The following DAB2IP variants were observed in gnomAD, a reference collection of about 807,000 sequenced individuals.
DAB2IP encodes DAB2 interacting protein.
Under a neutral mutation model 107.2 loss-of-function variants are expected in DAB2IP, and 28 were observed. That is an observed-to-expected ratio of 0.26 (90% CI 0.19 to 0.36). The LOEUF is 0.36. DAB2IP is among the 10% of genes least tolerant of loss of function. The pLI, the probability that DAB2IP is intolerant of heterozygous loss-of-function variation, is 1.00. For synonymous variants in DAB2IP, 755 were observed against 706.4 expected (o/e 1.07, Z -1.09); for missense variants, 1,400 against 1,644.7 (o/e 0.85, Z 2.57).
chr9:121,584,282 G>A (rs543197461), intron 1 of DAB2IP, among the ~76,000 whole-genome samples: 51 of 152,200 alleles, frequency 3.4e-4, no homozygotes, highest in African/African-American at 1.2e-3. Context: ...TGTTGGGCTT[G>A]CCTGAAAATT....
upstream of DAB2IP, among the ~76,000 whole-genome samples, chr9:121,650,839 G>T (rs532319446): frequency 6.6e-5 from 10 of 152,290 alleles, no homozygotes; most frequent in South Asian, 1.5e-3. Context: ...AGAGAAGTGA[G>T]AATTAGGGGG....
intron 3 of DAB2IP, among the ~76,000 whole-genome samples, chr9:121,739,589 T>C (rs1420856927): frequency 6.6e-6 from 1 of 151,750 alleles, no homozygotes; most frequent in Non-Finnish European, 1.5e-5. Context: ...TCAGAGGGGG[T>C]AGCAGCAGGA....
chr9:121,689,338 A>T (rs545340888), intron 2 of DAB2IP, among the ~76,000 whole-genome samples: 1 of 151,112 alleles, frequency 6.6e-6, no homozygotes, highest in African/African-American at 2.4e-5. Flanking sequence ...CCCCATACCC[A>T]TGGGCCTTCT....
At chr9:121,582,527 C>T (rs891302266) in intron 1 of DAB2IP, among the ~76,000 whole-genome samples, 1 of 152,064 alleles carries the variant, frequency 6.6e-6, no homozygotes, top group Non-Finnish European at 1.5e-5. Context: ...TCCCCTGCTG[C>T]AGACCTCCAC....
intron 1 of DAB2IP, among the ~76,000 whole-genome samples, chr9:121,631,316 C>A (rs2119016498): frequency 1.3e-5 from 2 of 152,232 alleles, no homozygotes; most frequent in South Asian, 4.1e-4. Flanking sequence ...GGGAAGGCTT[C>A]ATGGAGGAGG....
At chr9:121,717,261 A>G (rs1451495977) in intron 3 of DAB2IP, among the ~76,000 whole-genome samples, 1 of 152,158 alleles carries the variant, frequency 6.6e-6, no homozygotes, top group Non-Finnish European at 1.5e-5. Flanking sequence ...GTGGCTTCCT[A>G]AGAGTTGGCC....
intron 2 of DAB2IP, among the ~76,000 whole-genome samples, chr9:121,688,625 G>A (rs1390825060): frequency 1.3e-5 from 2 of 152,254 alleles, no homozygotes; most frequent in South Asian, 2.1e-4. Context: ...GCTCCCTCAC[G>A]GACTCTGTGA....
At chr9:121,628,538 AGGGT>A (rs1335659281) in intron 1 of DAB2IP, among the ~76,000 whole-genome samples, 4 of 152,222 alleles carry the variant, frequency 2.6e-5, no homozygotes, top group Admixed American at 6.5e-5. Flanking sequence ...GCTTCTGCTA[AGGGT>A]GGGAGGCACT....
At chr9:121,644,622 G>A (rs1023299288) in intron 1 of DAB2IP, among the ~76,000 whole-genome samples, 1 of 152,076 alleles carries the variant, frequency 6.6e-6, no homozygotes, top group Admixed American at 6.6e-5. Flanking sequence ...AAAAAAGAGA[G>A]AGAGAGAAAG....
intron 1 of DAB2IP, among the ~76,000 whole-genome samples, chr9:121,587,125 A>G (rs1830327138): frequency 6.6e-6 from 1 of 152,216 alleles, no homozygotes; most frequent in African/African-American, 2.4e-5. Context: ...GAGACAAGGA[A>G]ATGAAGGCTC....
chr9:121,691,419 C>T (rs1829153813), intron 2 of DAB2IP, among the ~76,000 whole-genome samples: 1 of 151,558 alleles, frequency 6.6e-6, no homozygotes, highest in South Asian at 2.1e-4. Flanking sequence ...GCCCTTCTGG[C>T]TAACGGCTGG....
chr9:121,733,133 T>C (rs913336549), intron 3 of DAB2IP, among the ~76,000 whole-genome samples: 3 of 152,226 alleles, frequency 2.0e-5, no homozygotes. Flanking sequence ...AAGCCCTTAT[T>C]CATGAACAGC....
rs186542639 is a variant in DAB2IP, at chr9:121,616,106, C to A, written c.40+48878C>A. Among the ~76,000 whole-genome samples, 468 of 152,260 alleles carry A rather than the reference C, an allele frequency of 3.1e-3. 6 individuals are homozygous for A. The Middle Eastern group carries it at 0.037, about 12-fold the overall frequency. Reference sequence around the variant, plus strand: ...TTGAGAACCCAGCCCTGTCCCTGGGCCTGGGACCCCAAAATTCGACCCCAC... The same window carrying A: ...TTGAGAACCCAGCCCTGTCCCTGGGACTGGGACCCCAAAATTCGACCCCAC... On this transcript the variant is annotated intron_variant, in intron 1 of 16. Coordinates refer to the DAB2IP transcript ENST00000259371.
At chr9:121,672,760 G>T (rs1469120560) in intron 1 of DAB2IP, among the ~76,000 whole-genome samples, 1 of 152,120 alleles carries the variant, frequency 6.6e-6, no homozygotes, top group Non-Finnish European at 1.5e-5. Context: ...TTAAGAGATC[G>T]GCTGGGTCTC....
chr9:121,774,830 T>C (rs1415353219), intron 13 of DAB2IP, among the ~76,000 whole-genome samples: 2 of 152,118 alleles, frequency 1.3e-5, no homozygotes, highest in Non-Finnish European at 2.9e-5. Context: ...GTCCCCAGGA[T>C]GGCTGGGAGA....
chr9:121,664,167 C>T (rs1039106876), intron 1 of DAB2IP, among the ~76,000 whole-genome samples: 9 of 152,178 alleles, frequency 5.9e-5, no homozygotes, highest in South Asian at 2.1e-4. Context: ...CAATTTACCT[C>T]GGCACTGTTT....
At chr9:121,584,801 A>C (rs1262142549) in intron 1 of DAB2IP, among the ~76,000 whole-genome samples, 1 of 152,188 alleles carries the variant, frequency 6.6e-6, no homozygotes, top group Non-Finnish European at 1.5e-5. Flanking sequence ...GCACTTAGTT[A>C]ATTAATGATA....
At position 121,736,459 on chromosome 9, in the gene DAB2IP, G is replaced by A. The variant is rs1233834877; in HGVS notation, c.363-20554G>A. Among the ~76,000 whole-genome samples, 1 of 152,062 alleles carries A rather than the reference G, an allele frequency of 6.6e-6. No homozygotes were observed. The highest frequency in any genetic ancestry group is 2.4e-5 in the African/African-American group (1 of 41,414). ...CGAAGCGCAGCGGCGGGTCGCTAGC[G>A]GGAAGTGGCTGCAGCTGGAGGCAGC... On this transcript the variant is annotated intron_variant, in intron 3 of 15. Coordinates refer to ENST00000408936, the Ensembl canonical transcript of DAB2IP. This position sits in a 1 kb window ranked among gnomAD's most constrained non-coding sequence, Gnocchi z 4.6.
Position 121,599,246 on chromosome 9 carries a change from TGGACTCCTGGAGGCCTGG to T in DAB2IP, c.40+32026_40+32043del, listed in dbSNP as rs1830607329. ...CCGAAACGGAAGCAGAGGTTATCTC[TGGACTCCTGGAGGCCTGG>T]GGACTCCGGGAGGGGAGGGGGCGTG... On this transcript the variant is annotated intron_variant, in intron 1 of 16. Coordinates refer to the DAB2IP transcript ENST00000259371. This position sits in a 1 kb window ranked among gnomAD's most constrained non-coding sequence, Gnocchi z 6.9. Among the ~76,000 whole-genome samples, 1 of 152,070 alleles carries T rather than the reference TGGACTCCTGGAGGCCTGG, an allele frequency of 6.6e-6. No individual in the cohort carries two copies.
Sources: allele counts gnomAD v4.1 joint callset (sites outside exome capture counted in the v4.1 genomes callset), GRCh38; gene constraint gnomAD v4.1.1; non-coding constraint Gnocchi (gnomAD v3.1); transcripts MANE v1.5; gene names NCBI Gene and HGNC (gene_info 2026-07-23, HGNC 2026-07-21).